The following GALNT11 variants were observed in gnomAD, a reference collection of about 807,000 sequenced individuals.
The protein encoded by GALNT11 is UDP-GalNAc:polypeptide N-acetylgalactosaminyltransferase 11.
GALNT11 carries 47 observed loss-of-function variants against 72.7 expected under a neutral mutation model. That is an observed-to-expected ratio of 0.65 (90% confidence interval 0.51 to 0.82). The LOEUF is 0.82. Among genes scored for constraint, GALNT11 ranks in the 40% least tolerant of loss-of-function variants. The pLI, the probability that GALNT11 is intolerant of heterozygous loss-of-function variation, is 0.00. For synonymous variants in GALNT11, 270 were observed against 286.6 expected, an observed-to-expected ratio of 0.94 and a Z score of 0.58; for missense variants, 677 against 778.4, an observed-to-expected ratio of 0.87 and a Z score of 1.55.
chr7:152,071,783 G>A (rs551566706), intron 1 of GALNT11, among the ~76,000 whole-genome samples: 2 of 152,084 alleles, frequency 1.3e-5, no homozygotes, highest in Non-Finnish European at 2.9e-5. Flanking sequence ...CACAATCCAC[G>A]TTCTTCTGCC....
At chr7:152,046,966 T>G (rs1350372836) in intron 1 of GALNT11, among the ~76,000 whole-genome samples, 1 of 152,224 alleles carries the variant, frequency 6.6e-6, no homozygotes, top group Non-Finnish European at 1.5e-5. Flanking sequence ...CTATCATATG[T>G]TTTTAGATTT....
intron 1 of GALNT11, among the ~76,000 whole-genome samples, chr7:152,047,679 AGTGACACCGT>A (rs1327436597): frequency 6.7e-6 from 1 of 148,924 alleles, no homozygotes; most frequent in Admixed American, 6.6e-5. Flanking sequence ...CCTGGTCAAC[AGTGACACCGT>A]GTGTGTGTGT....
At chr7:152,110,701 T>C (rs2129060743) in intron 7 of GALNT11, 56 bp downstream of exon 7, 1 of 1,203,516 alleles carries the variant, frequency 8.3e-7, no homozygotes, top group East Asian at 2.4e-5. Context: ...ATGATTTTCA[T>C]CCATGATCTC....
In GALNT11 at chr7:152,033,207, G is replaced by A. The variant is rs371664547; in HGVS notation, c.-39+7323G>A. Among the ~76,000 whole-genome samples, 19 of 152,300 alleles carry A rather than the reference G, an allele frequency of 1.2e-4. No homozygotes were observed. The East Asian group carries it at 1.7e-3, about 14-fold the overall frequency. On this transcript the variant is annotated intron_variant, in intron 1 of 11. Coordinates refer to ENST00000430044, the MANE Select transcript of GALNT11 (RefSeq NM_022087.4). The stretch of plus-strand genomic sequence containing the variant: ...CTTCCAGTGATTGCCTCGGCATAGC[G>A]GACATGGATGAGGGGGTGGCTTGTT...
chr7:152,062,680 T>C lies in GALNT11; in HGVS notation c.-38-31510T>C, dbSNP rs571403334. Among the ~76,000 whole-genome samples the C allele has an allele frequency of 2.6e-5, 4 of 152,218 alleles. No homozygotes were observed. The South Asian group carries it at 8.3e-4, about 32-fold the overall frequency. The stretch of plus-strand genomic sequence containing the variant: ...ATTGAGAGTTTTTAGCATGGAGGGC[T>C]GTTGAATTTTGTCAAAGGCCTTTTC... On this transcript the variant is annotated intron_variant, in intron 1 of 11. Coordinates refer to ENST00000430044, the MANE Select transcript of GALNT11 (RefSeq NM_022087.4).
At chr7:152,089,222 T>C (rs565535752) in intron 1 of GALNT11, among the ~76,000 whole-genome samples, 1 of 152,288 alleles carries the variant, frequency 6.6e-6, no homozygotes, top group South Asian at 2.1e-4. Flanking sequence ...AGAGTTCACC[T>C]CTGGGACCAG....
intron 1 of GALNT11, among the ~76,000 whole-genome samples, chr7:152,026,611 A>T (rs2082026880): frequency 6.6e-6 from 1 of 152,232 alleles, no homozygotes; most frequent in African/African-American, 2.4e-5. Context: ...CCCTGTATTT[A>T]TGTAAAAATG....
intron 1 of GALNT11, among the ~76,000 whole-genome samples, chr7:152,055,204 G>A (rs774109424): frequency 1.3e-5 from 2 of 152,074 alleles, no homozygotes; most frequent in African/African-American, 2.4e-5. Context: ...TGTAAATACA[G>A]TTACACTCTG....
At chr7:152,053,781 G>A (rs2083512390) in intron 1 of GALNT11, among the ~76,000 whole-genome samples, 1 of 152,142 alleles carries the variant, frequency 6.6e-6, no homozygotes, top group Admixed American at 6.5e-5. Flanking sequence ...ATCACTTGAG[G>A]CCAGGAGTTT....
intron 1 of GALNT11, among the ~76,000 whole-genome samples, chr7:152,035,760 A>T (rs2082543398): frequency 6.6e-6 from 1 of 152,168 alleles, no homozygotes; most frequent in Admixed American, 6.5e-5. Flanking sequence ...GTATTTAGCC[A>T]CCGAATTCTA....
chr7:152,087,291 GAGA>G (rs2085709805), intron 1 of GALNT11, among the ~76,000 whole-genome samples: 1 of 152,334 alleles, frequency 6.6e-6, no homozygotes, highest in Admixed American at 6.5e-5. Context: ...GGGCCTTATT[GAGA>G]AGAAGATATT....
chr7:152,028,499 C>G (rs1586885948), intron 1 of GALNT11, among the ~76,000 whole-genome samples: 1 of 151,966 alleles, frequency 6.6e-6, no homozygotes, highest in African/African-American at 2.4e-5. Flanking sequence ...AATCCTTTAG[C>G]TAGACTGAAA....
In GALNT11 at chr7:152,111,264, C is replaced by T. The variant is rs924557146; in HGVS notation, c.1080+619C>T. 2.6e-5 allele frequency among the ~76,000 whole-genome samples: 4 copies of T among 152,206 alleles called. No individual in the cohort carries two copies. In the East Asian group the frequency reaches 7.7e-4, roughly 29 times the overall value. The stretch of plus-strand genomic sequence containing the variant: ...AACTCCTGGGCTCAAGCGATCCTCC[C>T]ACCTCTCAGCCTCCTAAGTAGCTGG... On this transcript the variant is annotated intron_variant, in intron 7 of 11. Transcript: ENST00000430044.
intron 6 of GALNT11, among the ~76,000 whole-genome samples, chr7:152,109,529 C>T (rs1264920601): frequency 6.6e-6 from 1 of 152,008 alleles, no homozygotes; most frequent in Non-Finnish European, 1.5e-5. Flanking sequence ...CGAATTCTGC[C>T]TTGTCTTTTT....
chr7:152,081,167 A>G (rs2085303116), intron 1 of GALNT11, among the ~76,000 whole-genome samples: 1 of 152,192 alleles, frequency 6.6e-6, no homozygotes, highest in African/African-American at 2.4e-5. Context: ...GATTGGTTAG[A>G]CTGGAAGATT....
In GALNT11 at chr7:152,047,934, C is replaced by G. The variant is rs1057126080; in HGVS notation, c.-39+22050C>G. ...GTCTTTCTACTCAAGACATGTATGG[C>G]TCACACACCACAATGACGGTACTCT... On this transcript the variant is annotated intron_variant, in intron 1 of 11. Transcript: ENST00000430044. Among the ~76,000 whole-genome samples, 2 of 151,924 alleles carry G rather than the reference C, an allele frequency of 1.3e-5. 1 individual carries two copies. Among genetic ancestry groups the G allele is most frequent in the African/African-American group, 4.9e-5 (2 of 41,232 alleles).
Position 152,076,319 on chromosome 7 carries a change from G to A in GALNT11, c.-38-17871G>A, listed in dbSNP as rs191641819. ...TTTTCTGTTGAAACCTGAATTGATTGGTTTTGGTTCTTCTGGAAGCAGATC... is the reference window on the plus strand; with the variant it reads ...TTTTCTGTTGAAACCTGAATTGATTAGTTTTGGTTCTTCTGGAAGCAGATC... On this transcript the variant is annotated intron_variant, in intron 1 of 11. Coordinates refer to ENST00000430044, the MANE Select transcript of GALNT11 (RefSeq NM_022087.4). Among the ~76,000 whole-genome samples, 449 of 152,248 alleles carry A rather than the reference G, an allele frequency of 2.9e-3. 3 individuals are homozygous for A. The highest frequency in any genetic ancestry group is 3.8e-3 in the Non-Finnish European group (256 of 68,022).
chr7:152,112,628 A>G (rs1381094688), intron 7 of GALNT11, among the ~76,000 whole-genome samples: 3 of 151,974 alleles, frequency 2.0e-5, no homozygotes, highest in Non-Finnish European at 4.4e-5. Context: ...TATGCTTCTT[A>G]TTTAATAGAT....
intron 1 of GALNT11, among the ~76,000 whole-genome samples, chr7:152,068,973 C>T (rs2084472226): frequency 6.6e-6 from 1 of 152,118 alleles, no homozygotes; most frequent in African/African-American, 2.4e-5. Context: ...CACATGAAAA[C>T]CCAGTCACCA....
Sources: allele counts gnomAD v4.1 joint callset (sites outside exome capture counted in the v4.1 genomes callset), GRCh38; gene constraint gnomAD v4.1.1; transcripts MANE v1.5; gene names NCBI Gene and HGNC (gene_info 2026-07-23, HGNC 2026-07-21).